Variants in VPS33B observed in about 807,000 individuals in gnomAD.
VPS33B encodes VPS33B late endosome and lysosome associated.
In VPS33B, 80 loss-of-function variants were observed where a neutral mutation model predicts 95.3. That is an observed-to-expected ratio of 0.84 (90% CI 0.70 to 1.01). VPS33B has a LOEUF of 1.01. VPS33B is among the 50% of genes least tolerant of loss of function. The pLI is 0.00. For missense variants in VPS33B, 715 were observed against 773.4 expected (o/e 0.92, Z 0.90); for synonymous variants, 280 against 280.4 (o/e 1.00, Z 0.01).
At position 91,005,785 on chromosome 15, in the gene VPS33B, C is replaced by T. The variant is rs2040584717; in HGVS notation, c.940-1G>A. Reference sequence around the variant, plus strand: ...GCTTAATGTCCATGCCTCTCCGGCGCTGTGGGAAAATTCCCAAAGGTGAAC... The same window carrying T: ...GCTTAATGTCCATGCCTCTCCGGCGTTGTGGGAAAATTCCCAAAGGTGAAC... On this transcript the variant is annotated splice_acceptor_variant, in intron 12 of 22. Coordinates refer to ENST00000333371, the MANE Select transcript of VPS33B (RefSeq NM_018668.5). LOFTEE classifies it high-confidence loss of function. The surrounding 1 kb of genome is among the most constrained non-coding windows in gnomAD (Gnocchi z 6.4). The T allele has an allele frequency of 6.2e-7, 1 of 1,614,220 alleles. No individual in the cohort carries two copies. The highest frequency in any genetic ancestry group is 8.5e-7 in the Non-Finnish European group (1 of 1,180,052).
chr15:91,022,345 G>A lies in VPS33B; in HGVS notation c.-96C>T. On this transcript the variant is annotated 5_prime_UTR_variant, in exon 1 of 23. Transcript: ENST00000333371. ...AAGCGCAAGGGGGGCTATCCTTCAG[G>A]CCTGGGCACCGACTTCCAGAGACCC... The A allele has an allele frequency of 1.5e-6, 2 of 1,303,706 alleles. No individual in the cohort carries two copies. The highest frequency in any genetic ancestry group is 1.0e-6 in the Non-Finnish European group (1 of 962,854). The allele number at this position is 1,303,706 out of a possible 1,614,324, so 80.8% of individuals were successfully genotyped here.
intron 1 of VPS33B, among the ~76,000 whole-genome samples, chr15:91,021,142 T>C (rs1226349668): frequency 2.0e-5 from 3 of 152,234 alleles, no homozygotes; most frequent in Non-Finnish European, 1.5e-5. Flanking sequence ...CAAATATTTA[T>C]TAAGCACATG....
rs2040847471 is a variant in VPS33B at position 91,013,856 on chromosome 15, T to A, written c.305A>T (p.Asp102Val). The change falls in exon 5 of 23, where the codon GAC becomes GTC. Residue 102 changes from aspartate to valine, a missense_variant. Coordinates refer to ENST00000333371, the MANE Select transcript of VPS33B (RefSeq NM_018668.5). The surrounding 1 kb of genome is among the most constrained non-coding windows in gnomAD (Gnocchi z 4.5). ...MRYIASLVNA[D>V]KLAGRTRKYK... ...TTTGCGAGTTCGGCCAGCCAATTTGTCAGCATTGACAAGACCTACAGAGAG... is the reference window on the plus strand; with the variant it reads ...TTTGCGAGTTCGGCCAGCCAATTTGACAGCATTGACAAGACCTACAGAGAG... The A allele has an allele frequency of 6.2e-7, 1 of 1,613,990 alleles. No individual in the cohort carries two copies. Among genetic ancestry groups the A allele is most frequent in the Non-Finnish European group, 8.5e-7 (1 of 1,180,004 alleles).
rs2040359282 is a variant in VPS33B, at chr15:90,999,155, G to A, written c.1775-101C>T. 2.8e-6 allele frequency: 3 copies of A among 1,083,658 alleles called. No homozygotes were observed. Among genetic ancestry groups the A allele is most frequent in the East Asian group, 2.5e-5 (1 of 40,376 alleles). The allele number at this position is 1,083,658 out of a possible 1,614,324, so 67.1% of individuals were successfully genotyped here. On this transcript the variant is annotated intron_variant, in intron 22 of 22. Transcript: ENST00000333371. The surrounding 1 kb of genome is among the most constrained non-coding windows in gnomAD (Gnocchi z 5.1). ...GTTCCACAGTCCCCACGGGATCACAGCACCAGTTTATAGACAGAGACGTGA... is the reference window on the plus strand; with the variant it reads ...GTTCCACAGTCCCCACGGGATCACAACACCAGTTTATAGACAGAGACGTGA...
chr15:91,006,069 C>A lies in VPS33B; in HGVS notation c.853-10G>T, dbSNP rs537726134. 3.1e-6 allele frequency: 5 copies of A among 1,614,054 alleles called. 1 individual carries two copies. The African/African-American group carries it at 5.3e-5, about 17-fold the overall frequency. On this transcript the variant is annotated splice_polypyrimidine_tract_variant and intron_variant, in intron 11 of 22. Coordinates refer to ENST00000333371, the MANE Select transcript of VPS33B (RefSeq NM_018668.5). The surrounding 1 kb of genome is among the most constrained non-coding windows in gnomAD (Gnocchi z 5.4). ...GAATCTCATTAAACACCTGTGAGGA[C>A]AGTAAGACAAGAACAGCTTACTCTG...
At position 91,010,681 on chromosome 15, in the gene VPS33B, C is replaced by G. The variant is rs1453901838; in HGVS notation, c.358-835G>C. On this transcript the variant is annotated intron_variant, in intron 5 of 22. Coordinates refer to ENST00000333371, the MANE Select transcript of VPS33B (RefSeq NM_018668.5). This position sits in a 1 kb window ranked among gnomAD's most constrained non-coding sequence, Gnocchi z 5.7. ...GCTAAGGACAGGACTCTAGGGAACA[C>G]AAGATGAAAGGGGGCCAGAGTACAG... is the stretch of plus-strand genomic sequence containing the variant. Among the ~76,000 whole-genome samples, 1 of 152,016 alleles carries G rather than the reference C, an allele frequency of 6.6e-6. No individual in the cohort carries two copies. The highest frequency in any genetic ancestry group is 1.5e-5 in the Non-Finnish European group (1 of 68,018).
chr15:91,006,688 C>T lies in VPS33B; in HGVS notation c.742G>A (p.Glu248Lys), dbSNP rs1275610777. 3 of 1,614,200 alleles carry T rather than the reference C, an allele frequency of 1.9e-6. No individual in the cohort carries two copies. The South Asian group carries it at 3.3e-5, about 18-fold the overall frequency. ...VTALCSQVVY[E>K]GLVDDTFRIK... ...CGGAAGGTGTCATCTACTAGGCCCT[C>T]ATAAACCACTTGGGAGCAAAGTGCT... The change falls in exon 10 of 23, where the codon GAG (glutamate) becomes AAG (lysine). Residue 248 changes from glutamate to lysine, a missense_variant. Coordinates refer to ENST00000333371, the MANE Select transcript of VPS33B (RefSeq NM_018668.5). The surrounding 1 kb of genome is among the most constrained non-coding windows in gnomAD (Gnocchi z 5.4).
chr15:91,001,384 C>T lies in VPS33B; in HGVS notation c.1479+5G>A. On this transcript the variant is annotated splice_donor_5th_base_variant and intron_variant, in intron 19 of 22. Transcript: ENST00000333371. ...GTCTCCCCTAACCATCCCTGTTCCA[C>T]ATACCAAATTCAGCTTTTTGCTGAT... The T allele has an allele frequency of 6.2e-7, 1 of 1,611,802 alleles. No homozygotes were observed. The highest frequency in any genetic ancestry group is 8.5e-7 in the Non-Finnish European group (1 of 1,178,278).
intron 2 of VPS33B, 22 bp downstream of exon 2, chr15:91,017,783 C>A: frequency 6.2e-7 from 1 of 1,612,572 alleles, no homozygotes; most frequent in Admixed American, 1.7e-5. Context: ...GGGGCATGGC[C>A]CCCAGGGGAA....
In VPS33B at chr15:91,005,163, G is replaced by A. The variant is rs1427845796; in HGVS notation, c.1106-44C>T. 4.3e-6 allele frequency: 7 copies of A among 1,613,888 alleles called. No homozygotes were observed. The highest frequency in any genetic ancestry group is 1.1e-5 in the South Asian group (1 of 91,076). On this transcript the variant is annotated intron_variant, in intron 14 of 22. Transcript: ENST00000333371. This position sits in a 1 kb window ranked among gnomAD's most constrained non-coding sequence, Gnocchi z 6.4. ...GAGCCTGTTACTGGGGGCCAGCTCA[G>A]CTGCTGCCATCTATGCTAACAGGTG... is the stretch of plus-strand genomic sequence containing the variant.
chr15:91,022,312 G>A lies in VPS33B; in HGVS notation c.-63C>T. 6.8e-7 allele frequency: 1 copy of A among 1,477,488 alleles called. No homozygotes were observed. Among genetic ancestry groups the A allele is most frequent in the Non-Finnish European group, 9.1e-7 (1 of 1,100,714 alleles). The allele number at this position is 1,477,488 out of a possible 1,614,324, so 91.5% of individuals were successfully genotyped here. On this transcript the variant is annotated 5_prime_UTR_variant, in exon 1 of 23. Coordinates refer to ENST00000333371, the MANE Select transcript of VPS33B (RefSeq NM_018668.5). Reference sequence around the variant, plus strand: ...CTTCGTTCTGAGAAGGCCGGCCGCAGCCCAGGGAAGCGCAAGGGGGGCTAT... The same window carrying A: ...CTTCGTTCTGAGAAGGCCGGCCGCAACCCAGGGAAGCGCAAGGGGGGCTAT...
chr15:91,017,367 A>AATATATATATATAT (rs1159663715), intron 2 of VPS33B, among the ~76,000 whole-genome samples: 8 of 15,844 alleles, frequency 5.0e-4, no homozygotes, highest in Admixed American at 1.1e-3. Context: ...TACAAAATTA[A>AATATATATATATAT]ATATATATAT....
intron 2 of VPS33B, 86 bp from the exon 3 acceptor site, chr15:91,017,110 G>A (rs888243884): frequency 8.0e-7 from 1 of 1,251,292 alleles, no homozygotes; most frequent in East Asian, 2.3e-5. Flanking sequence ...CTTCTTGAGG[G>A]CTTCCTAATT....
intron 16 of VPS33B, among the ~76,000 whole-genome samples, chr15:91,004,366 T>C (rs761893008): frequency 1.8e-4 from 27 of 152,194 alleles, no homozygotes; most frequent in Non-Finnish European, 3.2e-4. Context: ...TAGCTGGGCG[T>C]GGTGGTGCAC....
At position 91,013,345 on chromosome 15, in the gene VPS33B, G is replaced by C. The variant is rs1354674189; in HGVS notation, c.357+459C>G. ...TTCAATCACACATAATTTGCTTTGA[G>C]GGAGTGCTATGGTTTGAATGTGTCT... On this transcript the variant is annotated intron_variant, in intron 5 of 22. Coordinates refer to ENST00000333371, the MANE Select transcript of VPS33B (RefSeq NM_018668.5). This position sits in a 1 kb window ranked among gnomAD's most constrained non-coding sequence, Gnocchi z 4.5. Among the ~76,000 whole-genome samples the C allele has an allele frequency of 1.3e-5, 2 of 152,192 alleles. No homozygotes were observed. Among genetic ancestry groups the C allele is most frequent in the East Asian group, 3.8e-4 (2 of 5,204 alleles).
Position 91,006,608 on chromosome 15 carries a change from T to A in VPS33B, c.778+44A>T. 6.2e-7 allele frequency: 1 copy of A among 1,613,408 alleles called. No individual in the cohort carries two copies. The highest frequency in any genetic ancestry group is 1.3e-5 in the African/African-American group (1 of 75,046). ...CCCACGTGGGAGGTGCCAAGGCTGA[T>A]GACCCGTCCATCTTGCCAAGATGCA... On this transcript the variant is annotated intron_variant, in intron 10 of 22. Coordinates refer to ENST00000333371, the MANE Select transcript of VPS33B (RefSeq NM_018668.5). The surrounding 1 kb of genome is among the most constrained non-coding windows in gnomAD (Gnocchi z 5.4).
At position 90,999,466 on chromosome 15, in the gene VPS33B, C is replaced by T. The variant is rs144173340; in HGVS notation, c.1774+211G>A. Reference sequence around the variant, plus strand: ...CCCGAGTAGTTAGCATTACAGGCACCGGCCACCATGCCTGGCTAATTTTTG... The same window carrying T: ...CCCGAGTAGTTAGCATTACAGGCACTGGCCACCATGCCTGGCTAATTTTTG... On this transcript the variant is annotated intron_variant, in intron 22 of 22. Transcript: ENST00000333371. The surrounding 1 kb of genome is among the most constrained non-coding windows in gnomAD (Gnocchi z 5.1). 3,251 of 619,454 alleles carry T rather than the reference C, an allele frequency of 5.2e-3. 50 individuals carry two copies. The highest frequency in any genetic ancestry group is 0.036 in the African/African-American group (2,009 of 55,462). The allele number at this position is 619,454 out of a possible 1,614,324, so 38.4% of individuals were successfully genotyped here. A position where few individuals can be genotyped will look rare whatever the true frequency, so the allele number is the denominator to read the frequency against.
chr15:91,002,013 A>G lies in VPS33B; in HGVS notation c.1405+37T>C. On this transcript the variant is annotated intron_variant, in intron 18 of 22. Coordinates refer to ENST00000333371, the MANE Select transcript of VPS33B (RefSeq NM_018668.5). This position sits in a 1 kb window ranked among gnomAD's most constrained non-coding sequence, Gnocchi z 4.7. ...CTGCGTGTTGAGAGAAGTCAGGACAACAGCTGGAGCAGGGGTCACTTGTGC... is the reference window on the plus strand; with the variant it reads ...CTGCGTGTTGAGAGAAGTCAGGACAGCAGCTGGAGCAGGGGTCACTTGTGC... 1.2e-6 allele frequency: 2 copies of G among 1,612,864 alleles called. No individual in the cohort carries two copies. The highest frequency in any genetic ancestry group is 1.7e-6 in the Non-Finnish European group (2 of 1,179,896).
At chr15:91,016,811 C>G in intron 3 of VPS33B, 152 bp downstream of exon 3, 1 of 767,258 alleles carries the variant, frequency 1.3e-6, no homozygotes. Context: ...CTACAGAAAA[C>G]AAAACAAAAC....
Sources: allele counts gnomAD v4.1 joint callset (sites outside exome capture counted in the v4.1 genomes callset), GRCh38; gene constraint gnomAD v4.1.1; non-coding constraint Gnocchi (gnomAD v3.1); transcripts MANE v1.5; gene names NCBI Gene and HGNC (gene_info 2026-07-23, HGNC 2026-07-21).